Variants in ALAS1 observed in about 807,000 individuals in gnomAD.
ALAS1 encodes the protein 5'-aminolevulinate synthase 1, also known as 5-aminolevulinate synthase, non-specific, mitochondrial.
In ALAS1, 29 loss-of-function variants were observed where a neutral mutation model predicts 59.6. The ratio of observed to expected loss-of-function variants is 0.49; its 90% CI spans 0.36 to 0.66. ALAS1 has a LOEUF of 0.66. Ranked by LOEUF, ALAS1 falls within the 30% of genes least tolerant of loss-of-function variation. The probability of loss-of-function intolerance (pLI) is 0.00; values close to 1 mark genes in which losing one functional copy is unlikely to be tolerated. For synonymous variants in ALAS1, 299 were observed against 296.6 expected (o/e 1.01, Z -0.08); for missense variants, 690 against 807.5 (o/e 0.85, Z 1.76).
At chr3:52,198,951 T>C in intron 2 of ALAS1, 103 bp downstream of exon 2, 1 of 1,322,392 alleles carries the variant, frequency 7.6e-7, no homozygotes, top group Non-Finnish European at 1.0e-6. Flanking sequence ...CCCTTGATTA[T>C]GTACTGTCAG....
chr3:52,209,072 T>A (rs1308159466), intron 9 of ALAS1, among the ~76,000 whole-genome samples: 4 of 152,232 alleles, frequency 2.6e-5, no homozygotes, highest in Non-Finnish European at 4.4e-5. Context: ...GCAGGCTTTT[T>A]AAAAAGCGTC....
intron 3 of ALAS1, 130 bp downstream of exon 3, chr3:52,199,570 G>C (rs1215082300): frequency 2.4e-6 from 2 of 844,760 alleles, no homozygotes; most frequent in South Asian, 1.8e-5. Context: ...GCTGGGCTCT[G>C]AGCACAGATT....
intron 9 of ALAS1, among the ~76,000 whole-genome samples, chr3:52,210,546 G>A (rs1247810208): frequency 6.6e-6 from 1 of 152,182 alleles, no homozygotes; most frequent in Non-Finnish European, 1.5e-5. Context: ...GGCTGAGACA[G>A]GAGGATCACT....
chr3:52,204,839 A>G lies in ALAS1; in HGVS notation c.724A>G (p.Lys242Glu), dbSNP rs1020402621. The G allele has an allele frequency of 1.2e-6, 2 of 1,614,062 alleles. No homozygotes were observed. Among genetic ancestry groups the G allele is most frequent in the African/African-American group, 1.3e-5 (1 of 74,926 alleles). The change falls in exon 6 of 12, where the codon AAA becomes GAA. Residue 242 changes from lysine (K) to glutamate (E), a missense_variant. Coordinates refer to ENST00000484952, the MANE Select transcript of ALAS1 (RefSeq NM_000688.6). ...ADDYSDSLIT[K>E]KQVSVWCSND... ...TGACTATTCAGACTCCCTCATCACCAAAAAGCAAGTGTCAGTCTGGTGCAG... is the reference window on the plus strand; with the variant it reads ...TGACTATTCAGACTCCCTCATCACCGAAAAGCAAGTGTCAGTCTGGTGCAG...
intron 9 of ALAS1, among the ~76,000 whole-genome samples, chr3:52,210,521 C>G (rs747979504): frequency 2.0e-4 from 30 of 152,162 alleles, no homozygotes; most frequent in Non-Finnish European, 3.4e-4. Context: ...ACACCTGAAT[C>G]CCAGCACTTT....
intron 7 of ALAS1, 143 bp from the exon 8 acceptor site, chr3:52,206,429 G>A: frequency 2.1e-6 from 2 of 935,826 alleles, no homozygotes; most frequent in African/African-American, 1.6e-5. Context: ...TAGTTATTTT[G>A]CCAGGAAGAA....
intron 11 of ALAS1, among the ~76,000 whole-genome samples, chr3:52,212,963 C>T (rs1444142851): frequency 8.5e-5 from 13 of 152,176 alleles, no homozygotes; most frequent in Admixed American, 8.5e-4. Flanking sequence ...GGAATCCGCT[C>T]AGTGTTTCCA....
At chr3:52,204,072 G>C in intron 5 of ALAS1, 60 bp downstream of exon 5, 1 of 1,520,366 alleles carries the variant, frequency 6.6e-7, no homozygotes, top group Non-Finnish European at 8.9e-7. Flanking sequence ...ATGTACATTA[G>C]ATTAAATATA....
chr3:52,209,198 G>C (rs1200489282), intron 9 of ALAS1, among the ~76,000 whole-genome samples: 2 of 152,084 alleles, frequency 1.3e-5, no homozygotes, highest in Non-Finnish European at 2.9e-5. Context: ...AATTCAAGAA[G>C]CTCTTTTCTT....
At chr3:52,207,383 A>T (rs1321909443) in intron 8 of ALAS1, among the ~76,000 whole-genome samples, 1 of 150,476 alleles carries the variant, frequency 6.6e-6, no homozygotes, top group African/African-American at 2.4e-5. Flanking sequence ...TGATCCGCCC[A>T]CCTTGGCGTC....
chr3:52,214,205 A>C lies in ALAS1; in HGVS notation c.*25A>C. On this transcript the variant is annotated 3_prime_UTR_variant, in exon 12 of 12. Coordinates refer to ENST00000484952, the MANE Select transcript of ALAS1 (RefSeq NM_000688.6). ...AGCATGACCTCAATTATTTCACTTA[A>C]CCCCAGGCCATTATCATATCCAGAT... 6.4e-7 allele frequency: 1 copy of C among 1,565,036 alleles called. No homozygotes were observed. The highest frequency in any genetic ancestry group is 1.7e-4 in the Middle Eastern group (1 of 5,874).
rs1376491447 is a variant in ALAS1, at chr3:52,214,014, C to T, written c.1763-6C>T. The stretch of plus-strand genomic sequence containing the variant: ...CCTTTAATATTTAAAAACTGTTTCT[C>T]CTCAGAGAATCTGCTAGTCACATGG... On this transcript the variant is annotated splice_polypyrimidine_tract_variant and splice_region_variant and intron_variant, in intron 11 of 11. Transcript: ENST00000484952. The T allele has an allele frequency of 1.3e-6, 2 of 1,595,440 alleles. No homozygotes were observed. The highest frequency in any genetic ancestry group is 1.1e-5 in the South Asian group (1 of 90,520).
chr3:52,208,823 A>G (rs1224950587), intron 9 of ALAS1, among the ~76,000 whole-genome samples: 1 of 152,212 alleles, frequency 6.6e-6, no homozygotes, highest in Non-Finnish European at 1.5e-5. Flanking sequence ...GGAGAAAACA[A>G]TAGGACCTAA....
At position 52,198,831 on chromosome 3, in the gene ALAS1, C is replaced by T. The variant is rs1362181649; in HGVS notation, c.-50C>T. On this transcript the variant is annotated 5_prime_UTR_variant, in exon 2 of 12. Transcript: ENST00000484952. ...CTTCCCTGCCTGGATGGATGAGTGG[C>T]TTCTTCTCCACCTAGATGTAAGCCA... 4 of 1,535,646 alleles carry T rather than the reference C, an allele frequency of 2.6e-6. No homozygotes were observed. In the South Asian group the frequency reaches 4.8e-5, roughly 18 times the overall value.
intron 2 of ALAS1, 31 bp downstream of exon 2, chr3:52,198,879 A>G (rs1016418550): frequency 5.9e-6 from 9 of 1,535,306 alleles, no homozygotes; most frequent in Non-Finnish European, 7.0e-6. Context: ...TGCACTGTGC[A>G]TCTCCCTAAG....
At chr3:52,213,900 G>A in intron 11 of ALAS1, 120 bp from the exon 12 acceptor site, 4 of 909,184 alleles carry the variant, frequency 4.4e-6, no homozygotes, top group East Asian at 2.7e-5. Flanking sequence ...TGTTTCTCTT[G>A]TTAACTATTA....
chr3:52,205,969 T>G lies in ALAS1; in HGVS notation c.931T>G (p.Ser311Ala). The G allele has an allele frequency of 6.2e-7, 1 of 1,614,142 alleles. No individual in the cohort carries two copies. The highest frequency in any genetic ancestry group is 1.7e-4 in the Middle Eastern group (1 of 6,060). ...HGKDAALLFS[S>A]CFVANDSTLF... ...GAAAGATGCCGCACTCTTGTTTTCCTCGTGCTTTGTGGCCAATGACTCAAC... is the reference window on the plus strand; with the variant it reads ...GAAAGATGCCGCACTCTTGTTTTCCGCGTGCTTTGTGGCCAATGACTCAAC... The change falls in exon 7 of 12, where the codon TCG (serine) becomes GCG (alanine). Residue 311 changes from serine (S) to alanine (A), a missense_variant. Ser to Ala is a moderately conservative substitution (Grantham distance 99). Transcript: ENST00000484952.
At position 52,199,940 on chromosome 3, in the gene ALAS1, G is replaced by A. The variant is rs573573202; in HGVS notation, c.199+500G>A. On this transcript the variant is annotated intron_variant, in intron 3 of 11. Coordinates refer to ENST00000484952, the MANE Select transcript of ALAS1 (RefSeq NM_000688.6). ...AGGTTCAAGTGATTCTCCTGCCTCA[G>A]CCTTCCAAGTATCTGGAATTACAGG... is the stretch of plus-strand genomic sequence containing the variant. Among the ~76,000 whole-genome samples the A allele has an allele frequency of 5.3e-5, 8 of 152,270 alleles. No individual in the cohort carries two copies. In the East Asian group the frequency reaches 1.5e-3, roughly 29 times the overall value.
intron 8 of ALAS1, 73 bp from the exon 9 acceptor site, chr3:52,208,010 T>TTCTGAC: frequency 9.1e-6 from 13 of 1,424,510 alleles, no homozygotes; most frequent in Non-Finnish European, 1.2e-5. Context: ...GTTTACGTTG[T>TTCTGAC]TCTGACTCTA....
Sources: allele counts gnomAD v4.1 joint callset (sites outside exome capture counted in the v4.1 genomes callset), GRCh38; gene constraint gnomAD v4.1.1; transcripts MANE v1.5; gene names NCBI Gene and HGNC (gene_info 2026-07-23, HGNC 2026-07-21).